The following HERC3 variants were observed in gnomAD, a reference collection of about 807,000 sequenced individuals.
HERC3 encodes the protein probable E3 ubiquitin-protein ligase HERC3.
Under a neutral mutation model 129.9 loss-of-function variants are expected in HERC3, and 58 were observed. The observed-to-expected ratio is 0.45, with a 90% CI of 0.36 to 0.56. HERC3 has a LOEUF of 0.56. Ranked by LOEUF, HERC3 falls within the 20% of genes least tolerant of loss-of-function variation. The pLI, the probability that HERC3 is intolerant of heterozygous loss-of-function variation, is 0.00. For missense variants in HERC3, 835 were observed against 1,244.2 expected, an observed-to-expected ratio of 0.67 and a Z score of 4.95; for synonymous variants, 430 against 451.0, an observed-to-expected ratio of 0.95 and a Z score of 0.59.
chr4:88,551,847 C>T, the HERC3 span, among the ~76,000 whole-genome samples: 21 of 152,158 alleles, frequency 1.4e-4, no homozygotes, highest in African/African-American at 2.4e-4. Context: ...ATGTTTATTG[C>T]GGCACTATTC....
At chr4:88,609,154 G>C (rs1724012898) in intron 3 of HERC3, among the ~76,000 whole-genome samples, 1 of 150,180 alleles carries the variant, frequency 6.7e-6, no homozygotes, top group South Asian at 2.1e-4. Context: ...ATGGTGGTGT[G>C]TACCTGTTGT....
chr4:88,591,256 G>C (rs146657128), upstream of HERC3, among the ~76,000 whole-genome samples: 796 of 152,272 alleles, frequency 5.2e-3, 7 homozygotes, highest in Middle Eastern at 0.031. Context: ...TTTTTTCTTA[G>C]ATGACCTGAT....
the HERC3 span, among the ~76,000 whole-genome samples, chr4:88,562,492 AT>A: frequency 6.6e-6 from 1 of 151,782 alleles, no homozygotes; most frequent in Non-Finnish European, 1.5e-5. Context: ...TTTGCTGTGC[AT>A]TTTTAACTTG....
At chr4:88,566,602 T>C in the HERC3 span, among the ~76,000 whole-genome samples, 1 of 152,212 alleles carries the variant, frequency 6.6e-6, no homozygotes, top group Non-Finnish European at 1.5e-5. Flanking sequence ...TTTTGCACCT[T>C]CACATGATTT....
the HERC3 span, among the ~76,000 whole-genome samples, chr4:88,531,206 T>A: frequency 3.9e-4 from 59 of 151,808 alleles, no homozygotes; most frequent in South Asian, 3.7e-3. Flanking sequence ...TTAAAATTTT[T>A]TTAAAATTTT....
At chr4:88,701,143 G>C (rs1447668323) in intron 23 of HERC3, among the ~76,000 whole-genome samples, 1 of 152,184 alleles carries the variant, frequency 6.6e-6, no homozygotes, top group Non-Finnish European at 1.5e-5. Context: ...AATGTCATTA[G>C]TTTAGTGTCA....
chr4:88,698,284 C>T (rs574219668), intron 23 of HERC3, among the ~76,000 whole-genome samples: 16 of 152,176 alleles, frequency 1.1e-4, no homozygotes, highest in Non-Finnish European at 2.1e-4. Flanking sequence ...AAGCTGGCTC[C>T]ATTCCACCCC....
the HERC3 span, among the ~76,000 whole-genome samples, chr4:88,556,185 A>G: frequency 6.6e-6 from 1 of 152,296 alleles, no homozygotes; most frequent in South Asian, 2.1e-4. Context: ...TGAAAAATGA[A>G]GCATCTGGGT....
At chr4:88,704,354 C>T (rs1418284697) in intron 24 of HERC3, 73 bp downstream of exon 24, 23 of 1,482,928 alleles carry the variant, frequency 1.6e-5, no homozygotes, top group Non-Finnish European at 2.2e-5. Flanking sequence ...GTTCCCAGAG[C>T]CTGGTCTCGT....
chr4:88,637,202 G>A (rs1289670167), intron 3 of HERC3, among the ~76,000 whole-genome samples: 1 of 152,004 alleles, frequency 6.6e-6, no homozygotes, highest in Non-Finnish European at 1.5e-5. Flanking sequence ...GAGGCAAGTG[G>A]ATCATGAGGT....
At chr4:88,645,114 A>G (rs562083287) in intron 3 of HERC3, among the ~76,000 whole-genome samples, 1 of 152,248 alleles carries the variant, frequency 6.6e-6, no homozygotes, top group South Asian at 2.1e-4. Context: ...GACTTTCAAT[A>G]AAAGTCTGCT....
chr4:88,559,118 C>T, the HERC3 span, among the ~76,000 whole-genome samples: 1 of 151,976 alleles, frequency 6.6e-6, no homozygotes, highest in Admixed American at 6.6e-5. Flanking sequence ...CCATTTATGC[C>T]TGAGGTTGCA....
chr4:88,697,840 C>T, intron 23 of HERC3: 1 of 1,494,642 alleles, frequency 6.7e-7, no homozygotes, highest in Non-Finnish European at 8.9e-7. Context: ...GCGGATGCGG[C>T]AAGTGGCGGT....
the HERC3 span, among the ~76,000 whole-genome samples, chr4:88,547,426 T>C: frequency 6.6e-6 from 1 of 152,194 alleles, no homozygotes; most frequent in Non-Finnish European, 1.5e-5. Flanking sequence ...TATTCGGAGT[T>C]GCACAGTTAT....
rs1264767839 is a variant in HERC3 at position 88,667,396 on chromosome 4, A to T, written c.1351A>T (p.Thr451Ser). ...LEKKIDEHFK[T>S]SPKIPGIDLN... ...GTTTAGAATTGATGAACATTTTAAA[A>T]CGAGTCCCAAAATCCCTGGGATTGA... is the stretch of plus-strand genomic sequence containing the variant. The change falls in exon 13 of 26, where the codon ACG becomes TCG. Residue 451 changes from threonine (T) to serine (S), a missense_variant. By Grantham distance (58) the Thr-to-Ser change is moderately conservative. Transcript: ENST00000402738. 1 of 1,600,842 alleles carries T rather than the reference A, an allele frequency of 6.2e-7. No individual in the cohort carries two copies. The highest frequency in any genetic ancestry group is 1.7e-5 in the Admixed American group (1 of 58,040).
the HERC3 span, among the ~76,000 whole-genome samples, chr4:88,545,271 TAA>T: frequency 6.6e-6 from 1 of 152,078 alleles, no homozygotes; most frequent in Non-Finnish European, 1.5e-5. Flanking sequence ...CCACAGAAAT[TAA>T]AAATAACATT....
chr4:88,534,959 C>G, the HERC3 span, among the ~76,000 whole-genome samples: 3 of 152,076 alleles, frequency 2.0e-5, no homozygotes, highest in Admixed American at 1.3e-4. Flanking sequence ...TGTAAAAGCT[C>G]TTTTATTACA....
chr4:88,586,065 G>A, the HERC3 span, among the ~76,000 whole-genome samples: 7 of 152,200 alleles, frequency 4.6e-5, no homozygotes, highest in East Asian at 1.4e-3. Context: ...CCACTTTTAG[G>A]AATTTACTTT....
At chr4:88,551,216 T>A in the HERC3 span, among the ~76,000 whole-genome samples, 3 of 152,226 alleles carry the variant, frequency 2.0e-5, no homozygotes, top group Non-Finnish European at 4.4e-5. Flanking sequence ...ATTCAGGACA[T>A]AGACATGGGC....
Sources: allele counts gnomAD v4.1 joint callset (sites outside exome capture counted in the v4.1 genomes callset), GRCh38; gene constraint gnomAD v4.1.1; transcripts MANE v1.5; gene names NCBI Gene and HGNC (gene_info 2026-07-23, HGNC 2026-07-21).